Variants in EIPR1 observed in about 807,000 individuals in gnomAD.
EIPR1 encodes the protein EARP and GARP complex-interacting protein 1.
A neutral mutation model predicts 48.1 loss-of-function variants in EIPR1; 25 were observed. The ratio of observed to expected loss-of-function variants is 0.52; its 90% CI spans 0.38 to 0.73. The LOEUF is 0.73. Among genes scored for constraint, EIPR1 ranks in the 30% least tolerant of loss-of-function variants. EIPR1 has a pLI of 0.00. For missense variants in EIPR1, 415 were observed against 506.2 expected (o/e 0.82, Z 1.73); for synonymous variants, 204 against 201.9 (o/e 1.01, Z -0.09).
intron 3 of EIPR1, among the ~76,000 whole-genome samples, chr2:3,262,328 G>A (rs981738062): frequency 1.3e-5 from 2 of 152,172 alleles, no homozygotes; most frequent in South Asian, 4.1e-4. Flanking sequence ...AACGTAGGAG[G>A]AGCGTGCAGA....
At chr2:3,192,619 C>T (rs773999140) in intron 7 of EIPR1, 38 bp from the exon 8 acceptor site, 1 of 1,601,146 alleles carries the variant, frequency 6.2e-7, no homozygotes, top group Middle Eastern at 1.7e-4. Context: ...TGAACTGTCA[C>T]CCGCAGGCAA....
At chr2:3,377,556 G>T in intron 1 of EIPR1, 92 bp downstream of exon 1, 1 of 1,470,916 alleles carries the variant, frequency 6.8e-7, no homozygotes, top group Non-Finnish European at 9.3e-7. Flanking sequence ...TTGCAGGGCT[G>T]GTGGGAGATC....
intron 3 of EIPR1, among the ~76,000 whole-genome samples, chr2:3,335,907 C>T (rs1208588026): frequency 1.3e-5 from 2 of 152,174 alleles, no homozygotes; most frequent in East Asian, 3.8e-4. Flanking sequence ...TCATAAATTA[C>T]CCAGTCCCAG....
At chr2:3,272,306 G>T (rs1203518474) in intron 3 of EIPR1, among the ~76,000 whole-genome samples, 1 of 152,194 alleles carries the variant, frequency 6.6e-6, no homozygotes, top group Non-Finnish European at 1.5e-5. Flanking sequence ...TTTCCTTCAA[G>T]AACTTTCCCT....
intron 4 of EIPR1, among the ~76,000 whole-genome samples, chr2:3,246,107 T>C (rs1389130341): frequency 6.6e-6 from 1 of 152,112 alleles, no homozygotes; most frequent in African/African-American, 2.4e-5. Context: ...AAGAACCTAA[T>C]AAATCTTCAG....
chr2:3,300,064 A>C (rs1158788322), intron 3 of EIPR1, among the ~76,000 whole-genome samples: 1 of 152,310 alleles, frequency 6.6e-6, no homozygotes, highest in East Asian at 1.9e-4. Context: ...TGGATCACTA[A>C]ATCAATAGTT....
At chr2:3,284,452 G>A (rs1470076151) in intron 3 of EIPR1, among the ~76,000 whole-genome samples, 1 of 120,344 alleles carries the variant, frequency 8.3e-6, no homozygotes, top group Non-Finnish European at 1.8e-5. Flanking sequence ...AGAAGGCCGC[G>A]CCACGGCTGC....
intron 5 of EIPR1, among the ~76,000 whole-genome samples, chr2:3,197,787 C>A (rs1462631255): frequency 1.3e-5 from 2 of 152,258 alleles, no homozygotes; most frequent in Non-Finnish European, 2.9e-5. Context: ...CACCTGCCCC[C>A]AAGTCCTCCT....
At chr2:3,282,490 C>T (rs1668042356) in intron 3 of EIPR1, 1 of 152,304 alleles carries the variant, frequency 6.6e-6, no homozygotes, top group African/African-American at 2.4e-5. Flanking sequence ...GTCTCTGTCT[C>T]GTTAGTCATC....
chr2:3,239,278 G>A (rs1666516060), intron 4 of EIPR1, among the ~76,000 whole-genome samples: 1 of 152,142 alleles, frequency 6.6e-6, no homozygotes, highest in South Asian at 2.1e-4. Flanking sequence ...AAAATATGTA[G>A]GAAAAGAAAA....
chr2:3,350,269 G>A (rs1670533225), intron 2 of EIPR1, among the ~76,000 whole-genome samples: 1 of 152,100 alleles, frequency 6.6e-6, no homozygotes, highest in Non-Finnish European at 1.5e-5. Flanking sequence ...GGGTGAATGG[G>A]AAGCAGGCAC....
chr2:3,311,967 A>AC, intron 3 of EIPR1, among the ~76,000 whole-genome samples: 1 of 152,182 alleles, frequency 6.6e-6, no homozygotes, highest in South Asian at 2.1e-4. Flanking sequence ...CCTTCTTTGG[A>AC]ACAGCGCACA....
chr2:3,189,757 C>T lies in EIPR1; in HGVS notation c.990-249G>A, dbSNP rs903032223. The stretch of plus-strand genomic sequence containing the variant: ...TTCTCAAAAGGTTTATGGAAATCGG[C>T]GACATTGGCACATGGTGTCTTGGTT... On this transcript the variant is annotated intron_variant, in intron 8 of 8. Coordinates refer to ENST00000382125, the MANE Select transcript of EIPR1 (RefSeq NM_003310.5). The surrounding 1 kb of genome is among the most constrained non-coding windows in gnomAD (Gnocchi z 4.6). 2.0e-5 allele frequency among the ~76,000 whole-genome samples: 3 copies of T among 152,144 alleles called. No individual in the cohort carries two copies. Among genetic ancestry groups the T allele is most frequent in the Non-Finnish European group, 2.9e-5 (2 of 68,046 alleles).
chr2:3,338,685 ACACTG>A (rs1044001619), intron 2 of EIPR1, among the ~76,000 whole-genome samples: 6 of 152,226 alleles, frequency 3.9e-5, no homozygotes, highest in Non-Finnish European at 8.8e-5. Flanking sequence ...GTATATTCAC[ACACTG>A]TTATCCTCTT....
At chr2:3,348,932 C>A (rs1389990543) in intron 2 of EIPR1, among the ~76,000 whole-genome samples, 1 of 152,228 alleles carries the variant, frequency 6.6e-6, no homozygotes, top group African/African-American at 2.4e-5. Context: ...CGGCGTCTCT[C>A]CTGGTCTGTG....
At chr2:3,298,475 A>G (rs1436540572) in intron 3 of EIPR1, 1 of 151,986 alleles carries the variant, frequency 6.6e-6, no homozygotes, top group Non-Finnish European at 1.5e-5. Flanking sequence ...AAGAGATAAA[A>G]TTAATCAGAA....
chr2:3,246,198 A>C (rs1666788537), intron 4 of EIPR1, among the ~76,000 whole-genome samples: 1 of 152,194 alleles, frequency 6.6e-6, no homozygotes, highest in African/African-American at 2.4e-5. Flanking sequence ...GAGACTTTCG[A>C]GCACATTTTC....
chr2:3,276,653 A>G (rs1300727510), intron 3 of EIPR1, among the ~76,000 whole-genome samples: 1 of 152,232 alleles, frequency 6.6e-6, no homozygotes. Context: ...CTGGTTTTGA[A>G]AAAGTATAAA....
chr2:3,303,251 C>A (rs972574214), intron 3 of EIPR1, among the ~76,000 whole-genome samples: 2 of 152,186 alleles, frequency 1.3e-5, no homozygotes, highest in Admixed American at 6.5e-5. Flanking sequence ...GGGAGGGGTG[C>A]CAGGCAGCTC....
Sources: allele counts gnomAD v4.1 joint callset (sites outside exome capture counted in the v4.1 genomes callset), GRCh38; gene constraint gnomAD v4.1.1; non-coding constraint Gnocchi (gnomAD v3.1); transcripts MANE v1.5; gene names NCBI Gene and HGNC (gene_info 2026-07-23, HGNC 2026-07-21).